PDIA4: variants seen among roughly 807,000 people sequenced by gnomAD.
PDIA4 encodes protein disulfide-isomerase A4.
Under a neutral mutation model 62.1 loss-of-function variants are expected in PDIA4, and 33 were observed. The observed-to-expected ratio is 0.53, with a 90% CI of 0.40 to 0.71. The LOEUF is 0.71. Among genes scored for constraint, PDIA4 ranks in the 30% least tolerant of loss-of-function variants. The probability of loss-of-function intolerance (pLI) is 0.00; values close to 1 mark genes in which losing one functional copy is unlikely to be tolerated. For missense variants in PDIA4, 804 were observed against 813.6 expected (o/e 0.99, Z 0.14); for synonymous variants, 341 against 324.1 (o/e 1.05, Z -0.56).
In PDIA4 at chr7:149,028,453, A is replaced by G. The variant is rs1824639837; in HGVS notation, c.-45T>C. On this transcript the variant is annotated 5_prime_UTR_variant, in exon 1 of 10. Transcript: ENST00000652332. ...GGCCTCCTAGCGTCGGCGGCCGCTGAGCGCACCGAGAACTCGGGGTCTGGC... is the reference window on the plus strand; with the variant it reads ...GGCCTCCTAGCGTCGGCGGCCGCTGGGCGCACCGAGAACTCGGGGTCTGGC... The G allele has an allele frequency of 4.5e-6, 6 of 1,328,940 alleles. 1 individual carries two copies. Among genetic ancestry groups the G allele is most frequent in the Middle Eastern group, 4.1e-4 (2 of 4,850 alleles). The allele number at this position is 1,328,940 out of a possible 1,614,324, so 82.3% of individuals were successfully genotyped here.
chr7:149,005,022 G>A (rs1264819196), intron 9 of PDIA4, 119 bp downstream of exon 9: 7 of 760,936 alleles, frequency 9.2e-6, no homozygotes, highest in African/African-American at 3.4e-5. Context: ...GAGGACTGCT[G>A]GCTGACTTAA....
chr7:149,007,787 T>G (rs1823812895), intron 7 of PDIA4, among the ~76,000 whole-genome samples: 1 of 152,242 alleles, frequency 6.6e-6, no homozygotes, highest in South Asian at 2.1e-4. Context: ...CAAACACGAC[T>G]TGGCCTCAAC....
At chr7:149,009,309 A>C (rs1563120153) in intron 6 of PDIA4, among the ~76,000 whole-genome samples, 1 of 152,146 alleles carries the variant, frequency 6.6e-6, no homozygotes, top group Non-Finnish European at 1.5e-5. Flanking sequence ...AACAACAACA[A>C]CAAAAAAACC....
chr7:149,015,342 T>A (rs1036636063), intron 3 of PDIA4, among the ~76,000 whole-genome samples: 2 of 152,070 alleles, frequency 1.3e-5, no homozygotes, highest in African/African-American at 4.8e-5. Context: ...TGGTACTAAC[T>A]CCACGCAAAC....
chr7:149,020,780 T>C (rs1824316093), intron 2 of PDIA4, among the ~76,000 whole-genome samples, 187 bp downstream of exon 2: 1 of 152,246 alleles, frequency 6.6e-6, no homozygotes, highest in African/African-American at 2.4e-5. Context: ...CCATGAGGGC[T>C]GGCTCACTGG....
rs552264110 is a variant in PDIA4 at position 149,005,336 on chromosome 7, T to C, written c.1327A>G (p.Lys443Glu). 2.5e-6 allele frequency: 4 copies of C among 1,614,128 alleles called. No individual in the cohort carries two copies. Among genetic ancestry groups the C allele is most frequent in the Non-Finnish European group, 2.5e-6 (3 of 1,180,002 alleles). ...GCAAAGGTGTACTCAGGGAAGTCCTTGGCCACCTCTAGGACTTTGCTCCGC... is the reference window on the plus strand; with the variant it reads ...GCAAAGGTGTACTCAGGGAAGTCCTCGGCCACCTCTAGGACTTTGCTCCGC... ...FWRSKVLEVA[K>E]DFPEYTFAIA... is the part of the protein sequence containing the mutation. The change falls in exon 9 of 10, where the codon AAG (lysine) becomes GAG (glutamate). Residue 443 changes from lysine to glutamate, a missense_variant. Coordinates refer to ENST00000652332, the MANE Select transcript of PDIA4 (RefSeq NM_004911.5).
rs749207960 is a variant in PDIA4, at chr7:149,008,249, G to A, written c.1041C>T (p.Phe347=). The A allele has an allele frequency of 1.4e-5, 22 of 1,613,930 alleles. No individual in the cohort carries two copies. The highest frequency in any genetic ancestry group is 1.8e-5 in the Non-Finnish European group (21 of 1,179,948). ...HHTFSTEIAK[F]LKVSQGQLVV... is the part of the protein sequence containing the mutation. ...CCAACTGCCCCTGGGAGACTTTCAA[G>A]AACTTTGCTATTTCTGTGCTGAAAG... The change falls in exon 7 of 10, where the codon TTC becomes TTT. Residue 347 remains phenylalanine, a synonymous_variant. Transcript: ENST00000652332.
chr7:149,023,287 A>G (rs927742576), intron 1 of PDIA4, among the ~76,000 whole-genome samples: 9 of 151,922 alleles, frequency 5.9e-5, no homozygotes, highest in African/African-American at 1.7e-4. Flanking sequence ...ATCATTCTAG[A>G]CCCCCAAGAG....
At chr7:149,025,260 C>T (rs1824511898) in intron 1 of PDIA4, among the ~76,000 whole-genome samples, 1 of 151,980 alleles carries the variant, frequency 6.6e-6, no homozygotes, top group Non-Finnish European at 1.5e-5. Context: ...TTGCCTCAAT[C>T]CCTGTCCACT....
At chr7:149,012,129 A>G in intron 5 of PDIA4, 26 bp downstream of exon 5, 2 of 1,610,260 alleles carry the variant, frequency 1.2e-6, no homozygotes, top group African/African-American at 1.3e-5. Context: ...TCCCCACTGT[A>G]GTGGGAGAGA....
Position 149,028,320 on chromosome 7 carries a change from C to T in PDIA4, c.88+1G>A. On this transcript the variant is annotated splice_donor_variant, in intron 1 of 9. Coordinates refer to ENST00000652332, the MANE Select transcript of PDIA4 (RefSeq NM_004911.5). LOFTEE classifies it high-confidence loss of function. The stretch of plus-strand genomic sequence containing the variant: ...CGACCCGCGGCGCGCTTGCCGCTCA[C>T]CCTCGTCCGGGCCCTCGGCACCCGC... 4 of 1,521,056 alleles carry T rather than the reference C, an allele frequency of 2.6e-6. No individual in the cohort carries two copies. The South Asian group carries it at 4.9e-5, about 18-fold the overall frequency. 94.2% of individuals were successfully genotyped at this position (1,521,056 alleles called of 1,614,324 possible). A position where few individuals can be genotyped will look rare whatever the true frequency, so the allele number is the denominator to read the frequency against.
chr7:149,012,468 C>G (rs1029771703), intron 4 of PDIA4, 108 bp from the exon 5 acceptor site: 2 of 902,696 alleles, frequency 2.2e-6, no homozygotes, highest in African/African-American at 3.3e-5. Flanking sequence ...CCTGGCCACA[C>G]CCAGTAAGCC....
chr7:149,023,230 C>G (rs1430998313), intron 1 of PDIA4, among the ~76,000 whole-genome samples: 2 of 152,180 alleles, frequency 1.3e-5, no homozygotes, highest in African/African-American at 4.8e-5. Flanking sequence ...CCCTGTGGAG[C>G]AGAGGGAAAC....
chr7:149,027,803 C>T (rs1265505581), intron 1 of PDIA4: 1 of 468,138 alleles, frequency 2.1e-6, no homozygotes, highest in South Asian at 1.6e-5. Context: ...ACCAAGCCAT[C>T]CCTTTCTCCA....
intron 6 of PDIA4, among the ~76,000 whole-genome samples, chr7:149,008,791 T>A (rs926967299): frequency 6.6e-6 from 1 of 151,614 alleles, no homozygotes; most frequent in Non-Finnish European, 1.5e-5. Context: ...ACTTAAACAC[T>A]TGAAAGGAGG....
At chr7:149,021,183 G>A (rs1399034171) in intron 1 of PDIA4, 36 bp from the exon 2 acceptor site, 3 of 1,545,446 alleles carry the variant, frequency 1.9e-6, no homozygotes, top group Non-Finnish European at 2.6e-6. Flanking sequence ...TACAAAGCTG[G>A]TGGTGACTCT....
chr7:149,018,000 C>T (rs1013133525), intron 3 of PDIA4, among the ~76,000 whole-genome samples: 2 of 152,256 alleles, frequency 1.3e-5, no homozygotes, highest in Admixed American at 6.5e-5. Flanking sequence ...GAGGCCAAAG[C>T]GGGCGGATCA....
At chr7:149,015,276 T>C (rs1824089867) in intron 3 of PDIA4, among the ~76,000 whole-genome samples, 1 of 152,128 alleles carries the variant, frequency 6.6e-6, no homozygotes, top group Admixed American at 6.6e-5. Flanking sequence ...GCCTGCAGAC[T>C]TCTCCAGAGG....
chr7:149,012,462 G>A, intron 4 of PDIA4, 102 bp from the exon 5 acceptor site: 1 of 970,252 alleles, frequency 1.0e-6, no homozygotes, highest in Non-Finnish European at 1.6e-6. Flanking sequence ...TAGTAACCTG[G>A]CCACACCCAG....
Sources: allele counts gnomAD v4.1 joint callset (sites outside exome capture counted in the v4.1 genomes callset), GRCh38; gene constraint gnomAD v4.1.1; transcripts MANE v1.5; gene names NCBI Gene and HGNC (gene_info 2026-07-23, HGNC 2026-07-21).